The following SYNCRIP variants were observed in gnomAD, a reference collection of about 807,000 sequenced individuals.
SYNCRIP encodes the protein heterogeneous nuclear ribonucleoprotein Q.
A neutral mutation model predicts 68.9 loss-of-function variants in SYNCRIP; 9 were observed. That is an observed-to-expected ratio of 0.13 (90% CI 0.08 to 0.23). The LOEUF is 0.23. Ranked by LOEUF, SYNCRIP falls within the 10% of genes least tolerant of loss-of-function variation. SYNCRIP has a pLI of 1.00. For missense variants in SYNCRIP, 414 were observed against 770.6 expected, an observed-to-expected ratio of 0.54 and a Z score of 5.48; for synonymous variants, 258 against 254.0, an observed-to-expected ratio of 1.02 and a Z score of -0.15.
chr6:85,613,630 T>C (rs1020254224), downstream of SYNCRIP, among the ~76,000 whole-genome samples: 1 of 152,246 alleles, frequency 6.6e-6, no homozygotes, highest in African/African-American at 2.4e-5. Flanking sequence ...AGGTAAATTT[T>C]ATCCTTCAGA....
chr6:85,616,153 AG>A (rs1805741260), intron 10 of SYNCRIP, among the ~76,000 whole-genome samples: 1 of 152,336 alleles, frequency 6.6e-6, no homozygotes, highest in South Asian at 2.1e-4. Flanking sequence ...ACTATGTAAA[AG>A]GACTAAACGA....
At chr6:85,625,880 C>T (rs1404424077) in intron 6 of SYNCRIP, among the ~76,000 whole-genome samples, 2 of 152,086 alleles carry the variant, frequency 1.3e-5, no homozygotes, top group Admixed American at 1.3e-4. Flanking sequence ...AGTGATTTTG[C>T]CCCCCAGAAG....
At chr6:85,635,442 T>C (rs1159419291) in intron 6 of SYNCRIP, among the ~76,000 whole-genome samples, 1 of 152,166 alleles carries the variant, frequency 6.6e-6, no homozygotes, top group African/African-American at 2.4e-5. Flanking sequence ...TACTCAATTA[T>C]GCAAACCAGT....
chr6:85,622,847 G>C (rs1458973058), intron 7 of SYNCRIP, among the ~76,000 whole-genome samples, 160 bp from the exon 8 acceptor site: 1 of 152,138 alleles, frequency 6.6e-6, no homozygotes, highest in Non-Finnish European at 1.5e-5. Flanking sequence ...ACTAGGTCCG[G>C]ATTATTTTCC....
At chr6:85,613,453 TG>T (rs1419387390), downstream of SYNCRIP, among the ~76,000 whole-genome samples, 1 of 152,148 alleles carries the variant, frequency 6.6e-6, no homozygotes, top group Non-Finnish European at 1.5e-5. Context: ...GGTTCAGAAG[TG>T]GGGAGTGGCT....
At chr6:85,635,058 G>A (rs1158086469) in intron 6 of SYNCRIP, among the ~76,000 whole-genome samples, 6 of 152,220 alleles carry the variant, frequency 3.9e-5, no homozygotes, top group South Asian at 4.1e-4. Flanking sequence ...CCAGCTACTC[G>A]GGTGGCTGAG....
At chr6:85,616,709 C>A (rs1414468624) in intron 10 of SYNCRIP, among the ~76,000 whole-genome samples, 5 of 152,084 alleles carry the variant, frequency 3.3e-5, no homozygotes, top group African/African-American at 1.2e-4. Flanking sequence ...AATGTTATTC[C>A]GGTTCACTAG....
intron 1 of SYNCRIP, 116 bp from the exon 2 acceptor site, chr6:85,641,567 C>T: frequency 9.6e-7 from 1 of 1,046,220 alleles, no homozygotes; most frequent in South Asian, 1.8e-5. Flanking sequence ...CCTATACCTC[C>T]CTTTAAAAAA....
chr6:85,630,208 A>G (rs1807571156), intron 6 of SYNCRIP, among the ~76,000 whole-genome samples: 1 of 151,118 alleles, frequency 6.6e-6, no homozygotes, highest in East Asian at 2.0e-4. Flanking sequence ...AAAAATACAA[A>G]AAAATTAGCC....
At chr6:85,619,508 A>C in intron 8 of SYNCRIP, 91 bp from the exon 9 acceptor site, 5 of 1,149,140 alleles carry the variant, frequency 4.4e-6, no homozygotes, top group Non-Finnish European at 4.9e-6. Context: ...AACTCAAATC[A>C]CAATCCATTA....
At chr6:85,610,328 GTCAT>G (rs1249741566), downstream of SYNCRIP, 10 of 151,860 alleles carry the variant, frequency 6.6e-5, no homozygotes, top group African/African-American at 2.4e-4. Flanking sequence ...TGAATTCAAA[GTCAT>G]TCAAATGAAC....
At chr6:85,639,601 G>C (rs538642664) in intron 4 of SYNCRIP, among the ~76,000 whole-genome samples, 2 of 152,012 alleles carry the variant, frequency 1.3e-5, no homozygotes, top group Admixed American at 6.6e-5. Context: ...AAGCACACCA[G>C]GTTAAAAAGT....
At chr6:85,612,978 GTACA>G (rs1337168641), downstream of SYNCRIP, 7 of 1,523,536 alleles carry the variant, frequency 4.6e-6, no homozygotes, top group African/African-American at 5.5e-5. Flanking sequence ...TTAATAATGT[GTACA>G]TACATAATGA....
At chr6:85,616,785 T>TAGA (rs1805825868) in intron 10 of SYNCRIP, among the ~76,000 whole-genome samples, 1 of 152,204 alleles carries the variant, frequency 6.6e-6, no homozygotes. Context: ...AGATCATCCT[T>TAGA]TTCTATTTCT....
rs1805502503 is a variant in SYNCRIP, at chr6:85,614,109, A to G, written c.*647T>C. ...GCAGACATATTCCACACAAGAATTA[A>G]CAAGGCACAAAACCCTTTAATTGGC... On this transcript the variant is annotated 3_prime_UTR_variant, in exon 11 of 11. Transcript: ENST00000369622. The G allele has an allele frequency of 1.0e-6, 1 of 985,792 alleles. No individual in the cohort carries two copies. The highest frequency in any genetic ancestry group is 1.2e-6 in the Non-Finnish European group (1 of 829,954). 61.1% of individuals were successfully genotyped at this position (985,792 alleles called of 1,614,324 possible).
chr6:85,636,858 A>G, intron 6 of SYNCRIP, 109 bp downstream of exon 6: 1 of 1,105,520 alleles, frequency 9.0e-7, no homozygotes, highest in Non-Finnish European at 1.3e-6. Flanking sequence ...AAACCTGCCT[A>G]AATCAGTACT....
chr6:85,639,198 ACTCTGT>A (rs1214691720), intron 4 of SYNCRIP, among the ~76,000 whole-genome samples: 1 of 152,072 alleles, frequency 6.6e-6, no homozygotes, highest in Non-Finnish European at 1.5e-5. Flanking sequence ...ACAGAGTAAG[ACTCTGT>A]CTCCCAAAAA....
intron 4 of SYNCRIP, among the ~76,000 whole-genome samples, chr6:85,639,952 A>T (rs571840077): frequency 6.6e-6 from 1 of 152,330 alleles, no homozygotes; most frequent in East Asian, 1.9e-4. Context: ...TTTTCAAAAA[A>T]TATTCTAGAG....
intron 6 of SYNCRIP, among the ~76,000 whole-genome samples, chr6:85,629,842 G>C (rs1289691930): frequency 6.6e-6 from 1 of 151,778 alleles, no homozygotes; most frequent in African/African-American, 2.4e-5. Flanking sequence ...AAATTAGTCA[G>C]GCATGGTGGC....
Sources: allele counts gnomAD v4.1 joint callset (sites outside exome capture counted in the v4.1 genomes callset), GRCh38; gene constraint gnomAD v4.1.1; transcripts MANE v1.5; gene names NCBI Gene and HGNC (gene_info 2026-07-23, HGNC 2026-07-21).